The following BMPR2 variants were observed in gnomAD, a reference collection of about 807,000 sequenced individuals.
The protein encoded by BMPR2 is bone morphogenetic protein receptor type-2.
A neutral mutation model predicts 100.8 loss-of-function variants in BMPR2; 29 were observed. That is an observed-to-expected ratio of 0.29 (90% CI 0.21 to 0.39). The LOEUF is 0.39. Among genes scored for constraint, BMPR2 ranks in the 10% least tolerant of loss-of-function variants. The pLI is 1.00. For synonymous variants in BMPR2, 382 were observed against 442.3 expected (o/e 0.86, Z 1.71); for missense variants, 1,011 against 1,274.5 (o/e 0.79, Z 3.15).
chr2:202,399,616 G>A (rs964617570), intron 1 of BMPR2, among the ~76,000 whole-genome samples: 1 of 152,198 alleles, frequency 6.6e-6, no homozygotes, highest in African/African-American at 2.4e-5. Flanking sequence ...GACCACTCTG[G>A]TTTATCGGTA....
chr2:202,384,025 A>C (rs1003463503), intron 1 of BMPR2, among the ~76,000 whole-genome samples: 30 of 151,824 alleles, frequency 2.0e-4, no homozygotes, highest in African/African-American at 6.8e-4. Context: ...TACAAAAATT[A>C]CCCGGGCGTG....
At chr2:202,396,870 T>C (rs1312345118) in intron 1 of BMPR2, among the ~76,000 whole-genome samples, 1 of 152,136 alleles carries the variant, frequency 6.6e-6, no homozygotes, top group Non-Finnish European at 1.5e-5. Context: ...CGATCTCGGC[T>C]CAAGGCAACC....
chr2:202,530,863 C>A lies in BMPR2; in HGVS notation c.1037C>A (p.Thr346Asn), dbSNP rs757926043. The A allele has an allele frequency of 6.2e-5, 100 of 1,613,660 alleles. No homozygotes were observed. Among genetic ancestry groups the A allele is most frequent in the Middle Eastern group, 3.3e-4 (2 of 6,084 alleles). The change falls in exon 8 of 13, where the codon ACC becomes AAC. Residue 346 changes from threonine to asparagine, a missense_variant. Physicochemically the swap from Thr to Asn is moderately conservative, Grantham distance 65. This residue lies in a region of BMPR2 where 355 missense variants were observed against 455.3 expected (regional missense o/e 0.78). Coordinates refer to ENST00000374580, the MANE Select transcript of BMPR2 (RefSeq NM_001204.7). Reference sequence around the variant, plus strand: ...AATGTCCTAGTGAAAAATGATGGAACCTGTGTTATTAGTGACTTTGGACTG... The same window carrying A: ...AATGTCCTAGTGAAAAATGATGGAAACTGTGTTATTAGTGACTTTGGACTG... The part of the protein sequence containing the change: ...SRNVLVKNDG[T>N]CVISDFGLSM...
intron 1 of BMPR2, among the ~76,000 whole-genome samples, 177 bp downstream of exon 1, chr2:202,377,727 T>C (rs908095250): frequency 6.6e-6 from 1 of 152,270 alleles, no homozygotes; most frequent in African/African-American, 2.4e-5. Flanking sequence ...AAATCGCCTT[T>C]AATATTCTTG....
rs1412039797 is a variant in BMPR2, at chr2:202,546,233, G to C, written c.1413+3786G>C. 2.0e-5 allele frequency among the ~76,000 whole-genome samples: 3 copies of C among 152,150 alleles called. No homozygotes were observed. The East Asian group carries it at 5.8e-4, about 29-fold the overall frequency. ...ACTAGAGTTAGGTAGCAAGTACATA[G>C]TTTATAAAAAGAGAGAAATGCAGCT... On this transcript the variant is annotated intron_variant, in intron 10 of 12. Transcript: ENST00000374580.
At position 202,556,543 on chromosome 2, in the gene BMPR2, G is replaced by T. The variant is rs768590299; in HGVS notation, c.2866+12G>T. 6.8e-6 allele frequency: 11 copies of T among 1,609,902 alleles called. No individual in the cohort carries two copies. In the South Asian group the frequency reaches 1.1e-4, roughly 16 times the overall value. Reference sequence around the variant, plus strand: ...CAGCAGTATACAGAGTAAGTGGAGGGATCATATAATCTCTCCTGTGTGTCT... The same window carrying T: ...CAGCAGTATACAGAGTAAGTGGAGGTATCATATAATCTCTCCTGTGTGTCT... On this transcript the variant is annotated intron_variant, in intron 12 of 12. Coordinates refer to ENST00000374580, the MANE Select transcript of BMPR2 (RefSeq NM_001204.7).
intron 11 of BMPR2, among the ~76,000 whole-genome samples, chr2:202,553,206 A>G (rs1217066804): frequency 6.6e-6 from 1 of 152,100 alleles, no homozygotes; most frequent in Non-Finnish European, 1.5e-5. Context: ...AAGCACTTCT[A>G]TATAAATTGT....
At chr2:202,426,451 G>A (rs1245230813) in intron 1 of BMPR2, among the ~76,000 whole-genome samples, 1 of 151,286 alleles carries the variant, frequency 6.6e-6, no homozygotes, top group African/African-American at 2.4e-5. Flanking sequence ...CGTGGTGGCG[G>A]GTGCTTGTAA....
intron 3 of BMPR2, among the ~76,000 whole-genome samples, chr2:202,499,197 A>C (rs1462556777): frequency 6.6e-6 from 1 of 152,158 alleles, no homozygotes; most frequent in East Asian, 1.9e-4. Flanking sequence ...TTTTCAGATG[A>C]TCCTGATAGG....
intron 3 of BMPR2, among the ~76,000 whole-genome samples, chr2:202,510,972 C>T (rs1687611237): frequency 6.7e-6 from 1 of 150,044 alleles, no homozygotes; most frequent in Admixed American, 6.7e-5. Flanking sequence ...AGCCACCGCA[C>T]CTGGCTTTAG....
chr2:202,473,774 G>A (rs1480274053), intron 3 of BMPR2, among the ~76,000 whole-genome samples: 2 of 151,058 alleles, frequency 1.3e-5, no homozygotes, highest in Non-Finnish European at 2.9e-5. Flanking sequence ...CTGGGCGACA[G>A]AGTGAGACAC....
At chr2:202,471,773 ATGT>A (rs1042458353) in intron 3 of BMPR2, among the ~76,000 whole-genome samples, 25 of 152,298 alleles carry the variant, frequency 1.6e-4, no homozygotes, top group African/African-American at 5.8e-4. Flanking sequence ...TTAGAGAAAA[ATGT>A]TGTTTCAATG....
intron 1 of BMPR2, among the ~76,000 whole-genome samples, chr2:202,389,388 G>A (rs1026822212): frequency 2.7e-5 from 4 of 150,770 alleles, no homozygotes; most frequent in African/African-American, 4.9e-5. Flanking sequence ...TTAGCTTGGC[G>A]TGGTGGCATG....
rs757926043 is a variant in BMPR2, at chr2:202,530,863, C to G, written c.1037C>G (p.Thr346Ser). Residue 346 changes from threonine to serine, a missense_variant, in exon 8 of 13, where the codon ACC (threonine) becomes AGC (serine). Physicochemically the swap from Thr to Ser is moderately conservative, Grantham distance 58 (BLOSUM62 1). Around this residue, in one of 6 missense-constraint regions of BMPR2, gnomAD observed 355 missense variants for 455.3 expected, o/e 0.78. Transcript: ENST00000374580. Reference protein sequence around the residue: ...SRNVLVKNDGTCVISDFGLSM... With the variant: ...SRNVLVKNDGSCVISDFGLSM... ...AATGTCCTAGTGAAAAATGATGGAA[C>G]CTGTGTTATTAGTGACTTTGGACTG... 19 of 1,613,660 alleles carry G rather than the reference C, an allele frequency of 1.2e-5. No individual in the cohort carries two copies. The highest frequency in any genetic ancestry group is 9.9e-5 in the South Asian group (9 of 91,058).
At chr2:202,395,467 TG>T (rs1342060860) in intron 1 of BMPR2, among the ~76,000 whole-genome samples, 2 of 152,246 alleles carry the variant, frequency 1.3e-5, no homozygotes, top group Non-Finnish European at 2.9e-5. Context: ...GTGTGAATCT[TG>T]GTCCCAGAAC....
rs976947064 is a variant in BMPR2 at position 202,462,314 on chromosome 2, G to A, written c.77-2495G>A. On this transcript the variant is annotated intron_variant, in intron 1 of 12. Transcript: ENST00000374580. ...GCGTGGTCTCAGCTCACTGCCTCCCGGATTCAACTGATTCTCCTGCCTCAG... is the reference window on the plus strand; with the variant it reads ...GCGTGGTCTCAGCTCACTGCCTCCCAGATTCAACTGATTCTCCTGCCTCAG... 5.4e-5 allele frequency among the ~76,000 whole-genome samples: 8 copies of A among 148,554 alleles called. No homozygotes were observed. In the South Asian group the frequency reaches 6.4e-4, roughly 12 times the overall value.
intron 3 of BMPR2, among the ~76,000 whole-genome samples, chr2:202,504,107 G>A (rs936909919): frequency 4.1e-4 from 62 of 152,196 alleles, no homozygotes; most frequent in Non-Finnish European, 7.6e-4. Context: ...GCACCAATCA[G>A]CGCCCTGTCA....
At chr2:202,531,930 ATTTTTT>A (rs71035015) in intron 8 of BMPR2, among the ~76,000 whole-genome samples, 12 of 52,278 alleles carry the variant, frequency 2.3e-4, no homozygotes, top group Admixed American at 1.0e-3. Flanking sequence ...GCCCAGCTGT[ATTTTTT>A]TTTTTTTTTT....
Position 202,542,362 on chromosome 2 carries a change from A to G in BMPR2, c.1328A>G (p.His443Arg). The G allele has an allele frequency of 6.2e-7, 1 of 1,614,148 alleles. No individual in the cohort carries two copies. Among genetic ancestry groups the G allele is most frequent in the Non-Finnish European group, 8.5e-7 (1 of 1,180,012 alleles). ...QMAFQTEVGN[H>R]PTFEDMQVLV... ...GCTTTTCAGACAGAGGTTGGAAACC[A>G]TCCCACTTTTGAGGATATGCAGGTT... Residue 443 changes from histidine (H) to arginine (R), a missense_variant, in exon 10 of 13, where the codon CAT (histidine) becomes CGT (arginine). Physicochemically the swap from His to Arg is conservative, Grantham distance 29. Around this residue, in one of 6 missense-constraint regions of BMPR2, gnomAD observed 83 missense variants for 140.7 expected, o/e 0.59. Transcript: ENST00000374580.
Sources: gnomAD v4.1 joint callset for allele counts (sites outside exome capture counted in the v4.1 genomes callset) on GRCh38, gnomAD v4.1.1 for gene constraint, gnomAD v4.1.1 regional missense constraint, MANE v1.5 for transcripts, NCBI Gene and HGNC (gene_info 2026-07-23, HGNC 2026-07-21) for gene names.